The following TENM2 variants were observed in gnomAD, a reference collection of about 807,000 sequenced individuals.
TENM2 encodes teneurin-2.
TENM2 carries 52 observed loss-of-function variants against 245.2 expected under a neutral mutation model. That is an observed-to-expected ratio of 0.21 (90% CI 0.17 to 0.27). The LOEUF is 0.27. Ranked by LOEUF, TENM2 falls within the 10% of genes least tolerant of loss-of-function variation. The pLI, the probability that TENM2 is intolerant of heterozygous loss-of-function variation, is 1.00. For missense variants in TENM2, 3,046 were observed against 3,666.8 expected, an observed-to-expected ratio of 0.83 and a Z score of 4.37; for synonymous variants, 1,363 against 1,438.9, an observed-to-expected ratio of 0.95 and a Z score of 1.19.
chr5:168,159,968 G>A (rs1045941806), intron 12 of TENM2, among the ~76,000 whole-genome samples: 12 of 152,218 alleles, frequency 7.9e-5, no homozygotes, highest in Non-Finnish European at 1.5e-4. Context: ...TGTAGCGGAC[G>A]TGGGTTTCCT....
chr5:167,347,959 A>G (rs1758570999), intron 1 of TENM2, among the ~76,000 whole-genome samples: 2 of 152,148 alleles, frequency 1.3e-5, no homozygotes, highest in African/African-American at 4.8e-5. Flanking sequence ...GGCAACCACC[A>G]AACAGTCCCT....
chr5:168,117,198 C>T (rs1387667855), intron 9 of TENM2, among the ~76,000 whole-genome samples: 1 of 152,206 alleles, frequency 6.6e-6, no homozygotes, highest in African/African-American at 2.4e-5. Context: ...ACCTTCTTCT[C>T]ACCAACAGAT....
chr5:168,093,035 C>G (rs1339332537), intron 8 of TENM2, among the ~76,000 whole-genome samples: 3 of 152,172 alleles, frequency 2.0e-5, no homozygotes, highest in African/African-American at 2.4e-5. Flanking sequence ...AAAACTTGCC[C>G]AAGGTCACAC....
the TENM2 span, among the ~76,000 whole-genome samples, chr5:167,162,137 A>G: frequency 6.6e-6 from 1 of 150,694 alleles, no homozygotes; most frequent in Non-Finnish European, 1.5e-5. Flanking sequence ...ACACCACTGC[A>G]CTCCAGCCTG....
At chr5:167,635,210 G>T (rs1779118212) in intron 2 of TENM2, among the ~76,000 whole-genome samples, 1 of 152,162 alleles carries the variant, frequency 6.6e-6, no homozygotes, top group Non-Finnish European at 1.5e-5. Context: ...TAAGTATACA[G>T]ATAATGTGGG....
the TENM2 span, among the ~76,000 whole-genome samples, chr5:167,192,770 T>A: frequency 1.3e-5 from 2 of 152,012 alleles, no homozygotes; most frequent in Non-Finnish European, 2.9e-5. Flanking sequence ...TTTGTTGAGA[T>A]GTAATAGGAA....
At chr5:167,872,793 G>C (rs2151367997) in intron 2 of TENM2, among the ~76,000 whole-genome samples, 1 of 152,310 alleles carries the variant, frequency 6.6e-6, no homozygotes, top group Non-Finnish European at 1.5e-5. Flanking sequence ...TCTATTGTCT[G>C]TATTTGTATA....
the TENM2 span, among the ~76,000 whole-genome samples, chr5:167,213,355 G>A: frequency 6.6e-6 from 1 of 152,154 alleles, no homozygotes; most frequent in Non-Finnish European, 1.5e-5. Flanking sequence ...GTCTGGTGGG[G>A]GCTGACATCT....
intron 2 of TENM2, among the ~76,000 whole-genome samples, chr5:167,714,095 T>C (rs1268652919): frequency 1.3e-5 from 2 of 152,160 alleles, no homozygotes; most frequent in Non-Finnish European, 2.9e-5. Context: ...AGGCTGTTCA[T>C]GTTGTAATAA....
intron 2 of TENM2, among the ~76,000 whole-genome samples, chr5:167,800,924 T>C (rs552144237): frequency 2.1e-4 from 32 of 151,866 alleles, no homozygotes; most frequent in African/African-American, 7.2e-4. Context: ...AATAGGCTGA[T>C]TTCTGGAATT....
At chr5:167,926,813 G>A (rs371502445) in intron 3 of TENM2, among the ~76,000 whole-genome samples, 24 of 151,040 alleles carry the variant, frequency 1.6e-4, no homozygotes, top group African/African-American at 3.6e-4. Flanking sequence ...TGACTGTGTC[G>A]ACGTCAATTC....
At chr5:167,786,021 T>C (rs556440973) in intron 2 of TENM2, among the ~76,000 whole-genome samples, 28 of 152,328 alleles carry the variant, frequency 1.8e-4, no homozygotes, top group Non-Finnish European at 4.0e-4. Flanking sequence ...CTCATCATTT[T>C]ACAGAAGAAA....
At chr5:167,640,860 CATATATATATATATATATAT>C (rs58985992) in intron 2 of TENM2, among the ~76,000 whole-genome samples, 1,951 of 47,440 alleles carry the variant, frequency 0.041, 138 homozygotes, top group Admixed American at 0.081. Flanking sequence ...TATATATATC[CATATATATATATATATATAT>C]ATATATATAT....
the TENM2 span, among the ~76,000 whole-genome samples, chr5:167,197,828 G>A: frequency 1.6e-4 from 24 of 151,556 alleles, no homozygotes; most frequent in African/African-American, 5.8e-4. Context: ...TAGAGTATGA[G>A]ATATTTATAT....
the TENM2 span, among the ~76,000 whole-genome samples, chr5:167,190,635 A>C: frequency 5.3e-5 from 8 of 152,082 alleles, no homozygotes; most frequent in Non-Finnish European, 7.4e-5. Flanking sequence ...CCATGGTATC[A>C]GGAGAAGAGA....
intron 2 of TENM2, among the ~76,000 whole-genome samples, chr5:167,526,576 C>T (rs541315426): frequency 1.1e-4 from 17 of 151,598 alleles, no homozygotes; most frequent in South Asian, 4.2e-4. Flanking sequence ...TTCTTGTTTA[C>T]GCTTTGTGAT....
At chr5:167,474,257 A>G (rs1280916432) in intron 2 of TENM2, among the ~76,000 whole-genome samples, 1 of 152,122 alleles carries the variant, frequency 6.6e-6, no homozygotes, top group African/African-American at 2.4e-5. Context: ...AAACTGTAAC[A>G]CAAATTTAAT....
At chr5:167,679,519 T>C (rs1340366738) in intron 2 of TENM2, among the ~76,000 whole-genome samples, 1 of 152,174 alleles carries the variant, frequency 6.6e-6, no homozygotes, top group Non-Finnish European at 1.5e-5. Context: ...GTTAAGCGGG[T>C]ATGCGGTAGT....
At chr5:167,942,672 A>G (rs1444118296) in intron 3 of TENM2, among the ~76,000 whole-genome samples, 2 of 152,124 alleles carry the variant, frequency 1.3e-5, no homozygotes, top group East Asian at 3.9e-4. Flanking sequence ...TGAGGGTGAG[A>G]GGTTTCTCCT....
Sources: gnomAD v4.1 joint callset for allele counts (sites outside exome capture counted in the v4.1 genomes callset) on GRCh38, gnomAD v4.1.1 for gene constraint, MANE v1.5 for transcripts, NCBI Gene and HGNC (gene_info 2026-07-23, HGNC 2026-07-21) for gene names.